FAM186B: variants seen among roughly 807,000 people sequenced by gnomAD.
FAM186B encodes family with sequence similarity 186 member B.
Under a neutral mutation model 83.4 loss-of-function variants are expected in FAM186B, and 68 were observed. The ratio of observed to expected loss-of-function variants is 0.81; its 90% CI spans 0.67 to 1.00. FAM186B has a LOEUF of 1.00. FAM186B is among the 50% of genes least tolerant of loss of function. The pLI is 0.00. For synonymous variants in FAM186B, 389 were observed against 422.0 expected, an observed-to-expected ratio of 0.92 and a Z score of 0.96; for missense variants, 983 against 1,099.2, an observed-to-expected ratio of 0.89 and a Z score of 1.49.
downstream of FAM186B, among the ~76,000 whole-genome samples, chr12:49,585,719 G>A (rs563878602): frequency 6.6e-6 from 1 of 152,350 alleles, no homozygotes; most frequent in East Asian, 1.9e-4. Context: ...AGCATGGCCA[G>A]GGGAGCCGGT....
rs1565810951 is a variant in FAM186B, at chr12:49,600,439, C to T, written c.1201G>A (p.Val401Ile). ...TCCTTGCTGCCGAACACATCTGCGACCCTCGAGCGCACAGTCATGGTGGAA... is the reference window on the plus strand; with the variant it reads ...TCCTTGCTGCCGAACACATCTGCGATCCTCGAGCGCACAGTCATGGTGGAA... The part of the protein sequence containing the change: ...PLSTMTVRSR[V>I]ADVFGSKDTE... The change falls in exon 4 of 7, where the codon GTC (valine) becomes ATC (isoleucine). Residue 401 changes from valine to isoleucine, a missense_variant. Transcript: ENST00000257894. This position sits in a 1 kb window ranked among gnomAD's most constrained non-coding sequence, Gnocchi z 4.3. The T allele has an allele frequency of 9.9e-6, 16 of 1,613,296 alleles. No homozygotes were observed. Among genetic ancestry groups the T allele is most frequent in the Non-Finnish European group, 1.4e-5 (16 of 1,179,440 alleles).
chr12:49,585,823 A>G (rs1029974782), downstream of FAM186B, among the ~76,000 whole-genome samples: 2 of 152,192 alleles, frequency 1.3e-5, no homozygotes, highest in Non-Finnish European at 2.9e-5. Context: ...GTGGCCCGAG[A>G]AAAGGTGCAC....
At chr12:49,585,163 C>T (rs990830483), downstream of FAM186B, among the ~76,000 whole-genome samples, 8 of 152,230 alleles carry the variant, frequency 5.3e-5, no homozygotes, top group South Asian at 4.2e-4. Flanking sequence ...GGACTACAGG[C>T]GCCCGCCACC....
intron 5 of FAM186B, among the ~76,000 whole-genome samples, chr12:49,591,625 G>A (rs11169082): frequency 0.21 from 31,309 of 152,074 alleles, 4,961 homozygotes; most frequent in African/African-American, 0.45. Context: ...AGGAGCACTG[G>A]AAATGTTAAG....
the FAM186B span, among the ~76,000 whole-genome samples, chr12:49,616,597 C>T: frequency 1.3e-4 from 20 of 152,148 alleles, no homozygotes; most frequent in African/African-American, 4.6e-4. Context: ...AAGCATTATA[C>T]TAATGAAACA....
upstream of FAM186B, among the ~76,000 whole-genome samples, chr12:49,610,267 C>G (rs1940071281): frequency 6.6e-6 from 1 of 152,108 alleles, no homozygotes; most frequent in African/African-American, 2.4e-5. Flanking sequence ...ATTCTGGCAC[C>G]ATGAAAAATC....
chr12:49,598,736 GTC>G lies in FAM186B; in HGVS notation c.2364+17_2364+18del, dbSNP rs761621995. 14 of 1,556,790 alleles carry G rather than the reference GTC, an allele frequency of 9.0e-6. No individual in the cohort carries two copies. The highest frequency in any genetic ancestry group is 2.2e-4 in the Middle Eastern group (1 of 4,486). On this transcript the variant is annotated intron_variant, in intron 5 of 6. Coordinates refer to ENST00000257894, the MANE Select transcript of FAM186B (RefSeq NM_032130.3). ...CCCCAGGAGGCGGAGTGGCGGGGGG[GTC>G]AGGGCGGGAGGCCCACCTTGGGGAA...
the FAM186B span, among the ~76,000 whole-genome samples, chr12:49,612,370 T>G: frequency 1.8e-4 from 27 of 150,206 alleles, no homozygotes; most frequent in East Asian, 4.4e-3. Context: ...CAACAAAGTT[T>G]TTTTTTTTTT....
At position 49,599,974 on chromosome 12, in the gene FAM186B, C is replaced by T; in HGVS notation, c.1666G>A (p.Glu556Lys). The change falls in exon 4 of 7, where the codon GAG becomes AAG. Residue 556 changes from glutamate to lysine, a missense_variant. Glu to Lys is a moderately conservative substitution (Grantham distance 56). Coordinates refer to ENST00000257894, the MANE Select transcript of FAM186B (RefSeq NM_032130.3). ...CTGGTGGGTGTGAAGATCCTCCTCT[C>T]CACATCCTCCCCTAGCTGCTCTGGC... ...REPEQLGEDV[E>K]RRIFTPTSRW... 6.2e-7 allele frequency: 1 copy of T among 1,613,794 alleles called. No individual in the cohort carries two copies. The highest frequency in any genetic ancestry group is 1.1e-5 in the South Asian group (1 of 91,044).
intron 5 of FAM186B, among the ~76,000 whole-genome samples, chr12:49,597,300 A>G (rs984128313): frequency 2.0e-5 from 3 of 152,228 alleles, no homozygotes; most frequent in African/African-American, 7.2e-5. Flanking sequence ...AGATCCTGCC[A>G]TTTGCCACAA....
the FAM186B span, among the ~76,000 whole-genome samples, chr12:49,617,258 A>G: frequency 6.6e-6 from 1 of 152,158 alleles, no homozygotes; most frequent in Admixed American, 6.5e-5. Context: ...CAAAAGCAAT[A>G]TTTTGGCTGG....
the FAM186B span, chr12:49,619,257 G>C: frequency 4.2e-6 from 1 of 240,824 alleles, no homozygotes; most frequent in Non-Finnish European, 7.8e-6. Flanking sequence ...GAAAAACACA[G>C]GCACAGGTGG....
chr12:49,619,667 CTTTTTTTTTT>C, the FAM186B span: 226 of 145,998 alleles, frequency 1.5e-3, 1 homozygote, highest in African/African-American at 0.01. Context: ...TTAGACATCT[CTTTTTTTTTT>C]TTTTTTTTTT....
intron 5 of FAM186B, among the ~76,000 whole-genome samples, chr12:49,591,894 T>C (rs1172466069): frequency 6.6e-6 from 1 of 152,192 alleles, no homozygotes; most frequent in African/African-American, 2.4e-5. Context: ...GTTGTTATAC[T>C]GTTTAGGGAA....
In FAM186B at chr12:49,590,361, A is replaced by G. The variant is rs575729853; in HGVS notation, c.2365-1738T>C. 3.3e-5 allele frequency among the ~76,000 whole-genome samples: 5 copies of G among 152,316 alleles called. No homozygotes were observed. The South Asian group carries it at 1.0e-3, about 32-fold the overall frequency. ...AGAAAATCTCATGATTGTGAATTAT[A>G]AGTTGGACCCACTTTAGTGATTATG... On this transcript the variant is annotated intron_variant, in intron 5 of 6. Coordinates refer to ENST00000257894, the MANE Select transcript of FAM186B (RefSeq NM_032130.3).
intron 6 of FAM186B, 140 bp downstream of exon 6, chr12:49,588,314 A>G (rs1939495747): frequency 6.6e-6 from 7 of 1,064,908 alleles, no homozygotes; most frequent in Non-Finnish European, 9.3e-6. Flanking sequence ...GCAGCTGAGA[A>G]GACAGGCACT....
At chr12:49,619,563 G>T in the FAM186B span, 1 of 689,304 alleles carries the variant, frequency 1.5e-6, no homozygotes. Flanking sequence ...ATGACTGTTG[G>T]TATGGGCTAT....
At chr12:49,617,358 A>G in the FAM186B span, among the ~76,000 whole-genome samples, 2 of 152,194 alleles carry the variant, frequency 1.3e-5, no homozygotes, top group Non-Finnish European at 1.5e-5. Flanking sequence ...CAGCCTGGGC[A>G]AAATGGTGAA....
chr12:49,611,790 C>T, the FAM186B span, among the ~76,000 whole-genome samples: 4 of 142,166 alleles, frequency 2.8e-5, no homozygotes, highest in Non-Finnish European at 4.5e-5. Context: ...ACCTGGGAGG[C>T]GGAGGTGGCA....
Sources: gnomAD v4.1 joint callset for allele counts (sites outside exome capture counted in the v4.1 genomes callset) on GRCh38, gnomAD v4.1.1 for gene constraint, Gnocchi (gnomAD v3.1) non-coding constraint, MANE v1.5 for transcripts, NCBI Gene and HGNC (gene_info 2026-07-23, HGNC 2026-07-21) for gene names.